FAM78B: variants seen among roughly 807,000 people sequenced by gnomAD.
The protein encoded by FAM78B is protein FAM78B.
A neutral mutation model predicts 20.0 loss-of-function variants in FAM78B; 10 were observed. The ratio of observed to expected loss-of-function variants is 0.50; its 90% confidence interval spans 0.31 to 0.85. The LOEUF is 0.85. Ranked by LOEUF, FAM78B falls within the 40% of genes least tolerant of loss-of-function variation. The probability of loss-of-function intolerance (pLI) is 0.05; values close to 1 mark genes in which losing one functional copy is unlikely to be tolerated. For synonymous variants in FAM78B, 135 were observed against 132.8 expected, an observed-to-expected ratio of 1.02 and a Z score of -0.12; for missense variants, 283 against 345.0, an observed-to-expected ratio of 0.82 and a Z score of 1.42.
At chr1:166,087,039 A>G (rs1652860342) in intron 1 of FAM78B, 1 of 151,480 alleles carries the variant, frequency 6.6e-6, no homozygotes, top group South Asian at 2.1e-4. Flanking sequence ...CTGCAACAAC[A>G]CTACCGGGCG....
intron 1 of FAM78B, among the ~76,000 whole-genome samples, chr1:166,104,916 A>G (rs1196534469): frequency 6.6e-6 from 1 of 152,242 alleles, no homozygotes; most frequent in Admixed American, 6.5e-5. Context: ...AAGCAAAAAG[A>G]ACAAAGCTGG....
At chr1:166,140,529 G>C (rs1307958261) in intron 1 of FAM78B, among the ~76,000 whole-genome samples, 1 of 152,252 alleles carries the variant, frequency 6.6e-6, no homozygotes, top group Non-Finnish European at 1.5e-5. Context: ...AGAGCAGCGA[G>C]AAAGGCACCA....
rs535174596 is a variant in FAM78B at position 166,102,823 on chromosome 1, T to C, written c.264-32060A>G. Among the ~76,000 whole-genome samples the C allele has an allele frequency of 5.2e-3, 788 of 152,144 alleles. 12 individuals carry two copies. Among genetic ancestry groups the C allele is most frequent in the African/African-American group, 0.018 (761 of 41,476 alleles). ...ATGAGACAGAAAGTTAACAAGGATA[T>C]CCAGGAATTGAACTCAGCTCTGCAC... is the stretch of plus-strand genomic sequence containing the variant. On this transcript the variant is annotated intron_variant, in intron 1 of 1. Transcript: ENST00000354422.
intron 1 of FAM78B, among the ~76,000 whole-genome samples, chr1:166,071,804 T>C (rs1407963266): frequency 1.3e-5 from 2 of 152,172 alleles, no homozygotes; most frequent in East Asian, 3.8e-4. Context: ...TTTTGGCCAC[T>C]GTATCATACT....
At position 166,070,807 on chromosome 1, in the gene FAM78B, G is replaced by T. The variant is rs183525890; in HGVS notation, c.264-44C>A. On this transcript the variant is annotated intron_variant, in intron 1 of 1. Coordinates refer to ENST00000354422, the MANE Select transcript of FAM78B (RefSeq NM_001017961.5). Reference sequence around the variant, plus strand: ...TGCACAAGAAAAGAAGAGGCTGAATGAATTTTTCAAAAGCTGGAGAGGTGC... The same window carrying T: ...TGCACAAGAAAAGAAGAGGCTGAATTAATTTTTCAAAAGCTGGAGAGGTGC... 2.0e-4 allele frequency: 299 copies of T among 1,502,738 alleles called. 2 individuals are homozygous for T. In the East Asian group the frequency reaches 5.8e-3, roughly 29 times the overall value. The allele number at this position is 1,502,738 out of a possible 1,614,324, so 93.1% of individuals were successfully genotyped here.
intron 1 of FAM78B, among the ~76,000 whole-genome samples, chr1:166,128,481 A>G (rs1654724154): frequency 6.6e-6 from 1 of 152,248 alleles, no homozygotes; most frequent in Non-Finnish European, 1.5e-5. Context: ...TAAAGTAGGC[A>G]GTTAACACCT....
chr1:166,059,641 T>C (rs1651496216), exon 3 of FAM78B: 1 of 152,234 alleles, frequency 6.6e-6, no homozygotes, highest in Non-Finnish European at 1.5e-5. Flanking sequence ...TAAAGGAGAA[T>C]GAGAAGACTG....
rs571807926 is a variant in FAM78B, at chr1:166,094,922, C to G, written c.264-24159G>C. ...TTGTTTCACCTTCAGAATGACCCTT[C>G]TGCCTAGTAGATATTATTAGATTGG... On this transcript the variant is annotated intron_variant, in intron 1 of 1. Coordinates refer to ENST00000354422, the MANE Select transcript of FAM78B (RefSeq NM_001017961.5). Among the ~76,000 whole-genome samples the G allele has an allele frequency of 7.2e-5, 11 of 152,292 alleles. No individual in the cohort carries two copies. The South Asian group carries it at 2.3e-3, about 32-fold the overall frequency.
At chr1:166,126,029 A>C (rs1056203653) in intron 1 of FAM78B, among the ~76,000 whole-genome samples, 2 of 152,056 alleles carry the variant, frequency 1.3e-5, no homozygotes, top group African/African-American at 4.8e-5. Context: ...ACAGGGTTTC[A>C]CCATGTTGGT....
chr1:166,095,032 T>G (rs1653224158), intron 1 of FAM78B, among the ~76,000 whole-genome samples: 1 of 152,186 alleles, frequency 6.6e-6, no homozygotes, highest in African/African-American at 2.4e-5. Flanking sequence ...CTGACAGGTC[T>G]GATGCTCAGG....
downstream of FAM78B, among the ~76,000 whole-genome samples, chr1:166,064,375 A>G (rs1304706572): frequency 2.0e-5 from 3 of 152,148 alleles, no homozygotes; most frequent in Non-Finnish European, 4.4e-5. Context: ...GTCTGAGACC[A>G]TAACAGGAAA....
chr1:166,070,779 A>C lies in FAM78B; in HGVS notation c.264-16T>G. The C allele has an allele frequency of 6.6e-7, 1 of 1,525,968 alleles. No individual in the cohort carries two copies. Among genetic ancestry groups the C allele is most frequent in the Non-Finnish European group, 8.8e-7 (1 of 1,141,312 alleles). The allele number at this position is 1,525,968 out of a possible 1,614,324, so 94.5% of individuals were successfully genotyped here. ...CCAGCTTGACCTGGCAAAGCAGAAG[A>C]CATGCACAAGAAAAGAAGAGGCTGA... On this transcript the variant is annotated splice_polypyrimidine_tract_variant and intron_variant, in intron 1 of 1. Transcript: ENST00000354422.
At chr1:166,100,279 G>A (rs1002679351) in intron 1 of FAM78B, among the ~76,000 whole-genome samples, 3 of 152,186 alleles carry the variant, frequency 2.0e-5, no homozygotes, top group Non-Finnish European at 2.9e-5. Flanking sequence ...TGCAGAAGAC[G>A]GATGATTTCT....
At chr1:166,134,590 A>G (rs534680112) in intron 1 of FAM78B, among the ~76,000 whole-genome samples, 116 of 152,296 alleles carry the variant, frequency 7.6e-4, no homozygotes, top group Middle Eastern at 3.4e-3. Flanking sequence ...AAATAGGTAA[A>G]AAGGTTAAAC....
At chr1:166,126,280 G>A (rs568562622) in intron 1 of FAM78B, among the ~76,000 whole-genome samples, 1 of 152,122 alleles carries the variant, frequency 6.6e-6, no homozygotes, top group East Asian at 1.9e-4. Flanking sequence ...TTATGATTAA[G>A]TACCTGTAGA....
chr1:166,129,806 T>C (rs925084892), intron 1 of FAM78B, among the ~76,000 whole-genome samples: 1 of 151,906 alleles, frequency 6.6e-6, no homozygotes, highest in African/African-American at 2.4e-5. Flanking sequence ...CAAGCCACCT[T>C]GTGCTGGCCT....
chr1:166,067,275 C>G (rs897555734), downstream of FAM78B, among the ~76,000 whole-genome samples: 4 of 152,026 alleles, frequency 2.6e-5, no homozygotes, highest in African/African-American at 9.7e-5. Context: ...CCTAATTTAA[C>G]GAGGCCTCAA....
chr1:166,130,353 A>G (rs561037495), intron 1 of FAM78B, among the ~76,000 whole-genome samples: 95 of 152,336 alleles, frequency 6.2e-4, no homozygotes, highest in African/African-American at 2.2e-3. Context: ...AAGTATAGAC[A>G]ATCAGAGAAG....
chr1:166,086,015 T>A (rs1179720201), intron 1 of FAM78B, among the ~76,000 whole-genome samples: 1 of 151,908 alleles, frequency 6.6e-6, no homozygotes, highest in African/African-American at 2.4e-5. Context: ...ACTGAAGGCT[T>A]CCAGGCAGTC....
Sources: allele counts gnomAD v4.1 joint callset (sites outside exome capture counted in the v4.1 genomes callset), GRCh38; gene constraint gnomAD v4.1.1; transcripts MANE v1.5; gene names NCBI Gene and HGNC (gene_info 2026-07-23, HGNC 2026-07-21).